The following NEBL variants were observed in gnomAD, a reference collection of about 807,000 sequenced individuals.
The protein encoded by NEBL is nebulette, also known as LIM and SH3 protein 2.
A neutral mutation model predicts 140.2 loss-of-function variants in NEBL; 122 were observed. That is an observed-to-expected ratio of 0.87 (90% CI 0.75 to 1.01). The LOEUF is 1.01. Among genes scored for constraint, NEBL ranks in the 50% least tolerant of loss-of-function variants. The probability of loss-of-function intolerance (pLI) is 0.00; values close to 1 mark genes in which losing one functional copy is unlikely to be tolerated. For missense variants in NEBL, 1,365 were observed against 1,231.3 expected (o/e 1.11, Z -1.62); for synonymous variants, 436 against 398.9 (o/e 1.09, Z -1.11).
At chr10:21,288,820 G>GTGTATA (rs1477748950) in intron 1 of NEBL, among the ~76,000 whole-genome samples, 2 of 35,026 alleles carry the variant, frequency 5.7e-5, no homozygotes, top group African/African-American at 1.9e-4. Context: ...GTGTGTGTGT[G>GTGTATA]TATATATATA....
chr10:21,136,113 A>G (rs1393476243), intron 2 of NEBL, among the ~76,000 whole-genome samples: 5 of 152,144 alleles, frequency 3.3e-5, no homozygotes, highest in Admixed American at 3.3e-4. Context: ...CTACCAGCCC[A>G]GTGGAAGATA....
intron 2 of NEBL, among the ~76,000 whole-genome samples, chr10:21,074,864 C>T (rs1283533678): frequency 6.6e-6 from 1 of 151,800 alleles, no homozygotes; most frequent in Non-Finnish European, 1.5e-5. Context: ...AGTACAGTGG[C>T]GAGATCTCAC....
chr10:21,259,826 C>T (rs192248819), intron 1 of NEBL, among the ~76,000 whole-genome samples: 4 of 152,238 alleles, frequency 2.6e-5, no homozygotes, highest in Admixed American at 2.6e-4. Context: ...CAAGCGTCTT[C>T]CTAGAGGGCA....
chr10:20,861,812 C>T (rs1228051708), intron 7 of NEBL, among the ~76,000 whole-genome samples: 3 of 152,076 alleles, frequency 2.0e-5, no homozygotes, highest in African/African-American at 7.2e-5. Context: ...TATGCTCTCC[C>T]AAGTAAATGT....
chr10:20,833,942 A>C (rs1362555386), intron 14 of NEBL, among the ~76,000 whole-genome samples: 1 of 152,124 alleles, frequency 6.6e-6, no homozygotes, highest in Non-Finnish European at 1.5e-5. Flanking sequence ...ACAGGAATCA[A>C]AGTGACTTCT....
Position 21,243,945 on chromosome 10 carries a change from G to GGGAAGA in NEBL, n.348+3975_348+3976insTCTTCC, listed in dbSNP as rs200047874. Among the ~76,000 whole-genome samples the GGGAAGA allele has an allele frequency of 5.0e-3, 759 of 151,658 alleles. 8 individuals are homozygous for GGGAAGA. The highest frequency in any genetic ancestry group is 0.017 in the African/African-American group (691 of 41,330). ...AGGGAAAGGGAAAGGGAAAGGGAAG[G>GGGAAGA]GGAAGGGGAAGAGGACGGAAGGGAG... On this transcript the variant is annotated intron_variant and non_coding_transcript_variant, in intron 3 of 8. Transcript: ENST00000675702.
At chr10:21,258,034 A>C (rs928685235) in intron 1 of NEBL, among the ~76,000 whole-genome samples, 7 of 152,306 alleles carry the variant, frequency 4.6e-5, no homozygotes, top group African/African-American at 1.7e-4. Context: ...CTTGTGTTGT[A>C]TTTTGTTTGG....
intron 10 of NEBL, among the ~76,000 whole-genome samples, chr10:20,850,784 T>A (rs1490426248): frequency 1.3e-5 from 2 of 152,220 alleles, no homozygotes; most frequent in Admixed American, 1.3e-4. Context: ...TATATAGATA[T>A]GTATCGTATA....
chr10:20,845,517 A>G (rs1841838203), intron 11 of NEBL, 149 bp from the exon 12 acceptor site: 1 of 592,290 alleles, frequency 1.7e-6, no homozygotes, highest in Non-Finnish European at 3.0e-6. Flanking sequence ...AAATAAGTTC[A>G]ACTTTGTCAT....
intron 4 of NEBL, among the ~76,000 whole-genome samples, chr10:20,921,324 C>G (rs939747645): frequency 1.3e-5 from 2 of 152,192 alleles, no homozygotes; most frequent in Non-Finnish European, 2.9e-5. Flanking sequence ...CTGCCCTGTT[C>G]CATGTCCCAG....
At chr10:20,809,701 G>A (rs1837939504) in intron 25 of NEBL, 105 bp downstream of exon 25, 4 of 960,882 alleles carry the variant, frequency 4.2e-6, no homozygotes, top group South Asian at 1.5e-5. Flanking sequence ...CAAATTCTCA[G>A]CTTTAAAATT....
intron 1 of NEBL, among the ~76,000 whole-genome samples, chr10:21,279,289 A>AT (rs33940640): frequency 0.49 from 64,075 of 131,316 alleles, 17,531 homozygotes; most frequent in East Asian, 0.95. Context: ...TATTTTTTCA[A>AT]TTTTTTTTTT....
At chr10:21,166,269 A>C (rs1296082323) in intron 2 of NEBL, among the ~76,000 whole-genome samples, 1 of 150,672 alleles carries the variant, frequency 6.6e-6, no homozygotes, top group Non-Finnish European at 1.5e-5. Flanking sequence ...AATTTTCTAC[A>C]TCATGATCCA....
chr10:21,083,569 G>C (rs556436810), intron 2 of NEBL, among the ~76,000 whole-genome samples: 1 of 152,102 alleles, frequency 6.6e-6, no homozygotes, highest in Non-Finnish European at 1.5e-5. Context: ...AGAAGTCCTC[G>C]GTGGAAGAGA....
intron 2 of NEBL, among the ~76,000 whole-genome samples, chr10:21,057,354 C>G (rs182745765): frequency 6.6e-6 from 1 of 151,640 alleles, no homozygotes; most frequent in South Asian, 2.1e-4. Context: ...AACAAAAAAG[C>G]AAGATGTGGA....
chr10:21,126,180 A>G, intron 2 of NEBL: 3 of 1,503,872 alleles, frequency 2.0e-6, no homozygotes, highest in Non-Finnish European at 1.8e-6. Flanking sequence ...CATAGAAAGG[A>G]AAAAAAATAC....
chr10:21,144,875 C>G lies in NEBL; in HGVS notation c.164+27508G>C, dbSNP rs533044776. On this transcript the variant is annotated intron_variant, in intron 2 of 6. Coordinates refer to the NEBL transcript ENST00000417816. ...TGTAAAATAGTGGTTAGCATGGGCT[C>G]TCTCCTCTCAATGAAAAAGTATATA... Among the ~76,000 whole-genome samples, 3 of 150,920 alleles carry G rather than the reference C, an allele frequency of 2.0e-5. No individual in the cohort carries two copies. In the South Asian group the frequency reaches 6.3e-4, roughly 32 times the overall value.
intron 3 of NEBL, among the ~76,000 whole-genome samples, chr10:21,243,298 CTTT>C (rs34974511): frequency 0.17 from 20,687 of 122,062 alleles, 1,460 homozygotes; most frequent in African/African-American, 0.22. Flanking sequence ...ATTGAGCATT[CTTT>C]TTTTTTTTTT....
chr10:20,900,677 A>G (rs2131427394), upstream of NEBL, among the ~76,000 whole-genome samples: 1 of 151,300 alleles, frequency 6.6e-6, no homozygotes, highest in East Asian at 2.0e-4. Context: ...ACAAAAAAAA[A>G]AAAAAAATTA....
Sources: gnomAD v4.1 joint callset for allele counts (sites outside exome capture counted in the v4.1 genomes callset) on GRCh38, gnomAD v4.1.1 for gene constraint, MANE v1.5 for transcripts, NCBI Gene and HGNC (gene_info 2026-07-23, HGNC 2026-07-21) for gene names.